PDE1A: variants seen among roughly 807,000 people sequenced by gnomAD.
The protein encoded by PDE1A is dual specificity calcium/calmodulin-dependent 3',5'-cyclic nucleotide phosphodiesterase 1A.
PDE1A carries 35 observed loss-of-function variants against 61.7 expected under a neutral mutation model. The ratio of observed to expected loss-of-function variants is 0.57; its 90% CI spans 0.43 to 0.75. The LOEUF is 0.75. Among genes scored for constraint, PDE1A ranks in the 30% least tolerant of loss-of-function variants. The pLI, the probability that PDE1A is intolerant of heterozygous loss-of-function variation, is 0.00. For synonymous variants in PDE1A, 232 were observed against 213.2 expected, an observed-to-expected ratio of 1.09 and a Z score of -0.77; for missense variants, 597 against 630.6, an observed-to-expected ratio of 0.95 and a Z score of 0.57.
chr2:182,356,536 G>A (rs833150), intron 1 of PDE1A, among the ~76,000 whole-genome samples: 1,619 of 152,132 alleles, frequency 0.011, 26 homozygotes, highest in African/African-American at 0.036. Flanking sequence ...GATCACTGGA[G>A]CTCAGGAGTT....
chr2:182,157,143 T>C (rs1691135819), intron 13 of PDE1A, among the ~76,000 whole-genome samples: 1 of 151,856 alleles, frequency 6.6e-6, no homozygotes, highest in African/African-American at 2.4e-5. Flanking sequence ...GCCTTCCCAG[T>C]AGCTGGGATT....
intron 1 of PDE1A, among the ~76,000 whole-genome samples, chr2:182,351,490 G>A (rs1698875461): frequency 6.6e-6 from 1 of 152,150 alleles, no homozygotes; most frequent in Admixed American, 6.6e-5. Context: ...GGAAGTGGGG[G>A]AAAAGCAGTA....
At chr2:182,156,453 C>G (rs1037855222) in intron 13 of PDE1A, among the ~76,000 whole-genome samples, 1 of 151,848 alleles carries the variant, frequency 6.6e-6, no homozygotes, top group Non-Finnish European at 1.5e-5. Context: ...AGTTTGGTAA[C>G]ATGGTGCTAA....
At chr2:182,553,994 G>C in the PDE1A span, among the ~76,000 whole-genome samples, 1 of 152,214 alleles carries the variant, frequency 6.6e-6, no homozygotes, top group Non-Finnish European at 1.5e-5. Flanking sequence ...ATCACAGACT[G>C]TTTTAGGCAG....
the PDE1A span, among the ~76,000 whole-genome samples, chr2:182,631,270 T>C: frequency 2.1e-5 from 3 of 144,208 alleles, no homozygotes; most frequent in Non-Finnish European, 4.6e-5. Flanking sequence ...GTGACTCCAA[T>C]CTGCCTTTGC....
the PDE1A span, among the ~76,000 whole-genome samples, chr2:182,533,826 G>A: frequency 2.0e-5 from 3 of 151,938 alleles, no homozygotes; most frequent in African/African-American, 7.2e-5. Flanking sequence ...GATATGGATT[G>A]GATCACCAGA....
At chr2:182,418,607 C>A (rs982828860) in intron 1 of PDE1A, among the ~76,000 whole-genome samples, 2 of 151,984 alleles carry the variant, frequency 1.3e-5, no homozygotes, top group Non-Finnish European at 2.9e-5. Context: ...AAAGAAGAAT[C>A]AAAAAAAGCA....
the PDE1A span, among the ~76,000 whole-genome samples, chr2:182,559,543 A>C: frequency 7.9e-5 from 12 of 152,182 alleles, no homozygotes; most frequent in Non-Finnish European, 1.8e-4. Context: ...ACGTAAATGG[A>C]TAAAATCACT....
At chr2:182,651,072 T>C in the PDE1A span, among the ~76,000 whole-genome samples, 1 of 152,328 alleles carries the variant, frequency 6.6e-6, no homozygotes, top group Middle Eastern at 3.4e-3. Context: ...AATGGCATGA[T>C]CTTTACTCAC....
At position 182,268,236 on chromosome 2, in the gene PDE1A, A is replaced by C. The variant is rs565274536; in HGVS notation, c.54-3822T>G. ...GGACGGCTACTGTGTTTGGTAGCAA[A>C]CCAAGTTAACAGCTGTTGTATCAAG... On this transcript the variant is annotated intron_variant, in intron 1 of 13. Coordinates refer to ENST00000351439, the Ensembl canonical transcript of PDE1A. 2.0e-5 allele frequency among the ~76,000 whole-genome samples: 3 copies of C among 152,168 alleles called. No homozygotes were observed. The East Asian group carries it at 5.8e-4, about 30-fold the overall frequency.
intron 1 of PDE1A, among the ~76,000 whole-genome samples, chr2:182,370,591 G>C (rs1363106357): frequency 1.3e-5 from 2 of 152,178 alleles, no homozygotes; most frequent in Admixed American, 6.5e-5. Context: ...CCAGAACCCA[G>C]AGAATGTGGC....
chr2:182,441,729 A>G (rs1166400498), intron 2 of PDE1A, among the ~76,000 whole-genome samples: 19 of 152,078 alleles, frequency 1.2e-4, no homozygotes, highest in Non-Finnish European at 2.8e-4. Flanking sequence ...ACATCACACT[A>G]GAAGGTAAGG....
At chr2:182,532,818 G>A in the PDE1A span, among the ~76,000 whole-genome samples, 2 of 151,338 alleles carry the variant, frequency 1.3e-5, no homozygotes, top group Admixed American at 6.6e-5. Context: ...CGCGGTGGTG[G>A]GCGCCTGTAG....
intron 1 of PDE1A, among the ~76,000 whole-genome samples, chr2:182,371,943 C>T (rs1400394087): frequency 6.6e-6 from 1 of 152,096 alleles, no homozygotes; most frequent in Non-Finnish European, 1.5e-5. Flanking sequence ...CACCACCACG[C>T]CTGGCTTTTT....
chr2:182,292,030 G>C (rs1002773727), intron 1 of PDE1A, among the ~76,000 whole-genome samples: 4 of 152,140 alleles, frequency 2.6e-5, no homozygotes, highest in African/African-American at 9.6e-5. Flanking sequence ...TAAAAAAGAA[G>C]ACTAGTAGTA....
chr2:182,376,172 C>G (rs923394077), intron 1 of PDE1A, among the ~76,000 whole-genome samples: 2 of 152,232 alleles, frequency 1.3e-5, no homozygotes, highest in Non-Finnish European at 2.9e-5. Flanking sequence ...ATATCTGCAG[C>G]TGGTTTGGAT....
the PDE1A span, among the ~76,000 whole-genome samples, chr2:182,588,644 A>T: frequency 1.2e-4 from 18 of 152,222 alleles, no homozygotes; most frequent in Admixed American, 3.3e-4. Context: ...TCTAATTAAG[A>T]TTATAAAACC....
intron 1 of PDE1A, among the ~76,000 whole-genome samples, chr2:182,288,910 G>A (rs751064903): frequency 6.6e-6 from 1 of 151,988 alleles, no homozygotes; most frequent in African/African-American, 2.4e-5. Flanking sequence ...ATAGTAATCT[G>A]GTTTAAGATT....
the PDE1A span, among the ~76,000 whole-genome samples, chr2:182,686,410 TTTTG>T: frequency 1.3e-5 from 2 of 152,226 alleles, no homozygotes; most frequent in Admixed American, 6.5e-5. Context: ...TCATGTATAT[TTTTG>T]TTTGAACTAT....
Sources: allele counts gnomAD v4.1 joint callset (sites outside exome capture counted in the v4.1 genomes callset), GRCh38; gene constraint gnomAD v4.1.1; transcripts MANE v1.5; gene names NCBI Gene and HGNC (gene_info 2026-07-23, HGNC 2026-07-21).